BMP2: variants seen among roughly 807,000 people sequenced by gnomAD.
BMP2 encodes bone morphogenetic protein 2A.
A neutral mutation model predicts 28.8 loss-of-function variants in BMP2; 2 were observed. The observed-to-expected ratio is 0.07, with a 90% CI of 0.03 to 0.22. The LOEUF is 0.22. BMP2 is among the 10% of genes least tolerant of loss of function. The pLI, the probability that BMP2 is intolerant of heterozygous loss-of-function variation, is 1.00. For synonymous variants in BMP2, 218 were observed against 204.3 expected (o/e 1.07, Z -0.57); for missense variants, 437 against 517.7 (o/e 0.84, Z 1.51).
At position 6,768,525 on chromosome 20, in the gene BMP2, C is replaced by T; in HGVS notation, c.-358C>T. ...TCCCTTCCCTGCCCCGCACTCCTCC[C>T]CCTGCTCGCTGTTGTTGTGTGTCAG... On this transcript the variant is annotated 5_prime_UTR_variant, in exon 1 of 3. Transcript: ENST00000378827. The T allele has an allele frequency of 2.5e-6, 1 of 392,834 alleles. No individual in the cohort carries two copies. Among genetic ancestry groups the T allele is most frequent in the Non-Finnish European group, 4.5e-6 (1 of 222,754 alleles). The allele number at this position is 392,834 out of a possible 1,614,324, so 24.3% of individuals were successfully genotyped here.
At position 6,779,259 on chromosome 20, in the gene BMP2, A is replaced by C. The variant is rs977810897; in HGVS notation, c.*170A>C. On this transcript the variant is annotated 3_prime_UTR_variant, in exon 3 of 3. Transcript: ENST00000378827. ...AAACAGCTATTTTGAAAATATATTT[A>C]TATCTACGAAAAGAAGTTGGGAAAA... 4.5e-6 allele frequency: 1 copy of C among 224,288 alleles called. No homozygotes were observed. Among genetic ancestry groups the C allele is most frequent in the Non-Finnish European group, 8.3e-6 (1 of 120,318 alleles). The allele number at this position is 224,288 out of a possible 1,614,324, so 13.9% of individuals were successfully genotyped here.
chr20:6,778,793 C>A lies in BMP2; in HGVS notation c.895C>A (p.His299Asn), dbSNP rs1986560009. The A allele has an allele frequency of 1.9e-6, 3 of 1,614,092 alleles. No individual in the cohort carries two copies. Among genetic ancestry groups the A allele is most frequent in the African/African-American group, 2.7e-5 (2 of 74,928 alleles). ...ACGCCTTAAGTCCAGCTGTAAGAGA[C>A]ACCCTTTGTACGTGGACTTCAGTGA... ...RKRLKSSCKR[H>N]PLYVDFSDVG... The change falls in exon 3 of 3, where the codon CAC becomes AAC. Residue 299 changes from histidine to asparagine, a missense_variant. By Grantham distance (68) the His-to-Asn change is moderately conservative. Around this residue, in one of 2 missense-constraint regions of BMP2, gnomAD observed 363 missense variants for 392.8 expected, o/e 0.92. Transcript: ENST00000378827. The surrounding 1 kb of genome is among the most constrained non-coding windows in gnomAD (Gnocchi z 5.0).
intron 2 of BMP2, among the ~76,000 whole-genome samples, chr20:6,771,916 T>C (rs1986408234): frequency 6.6e-6 from 1 of 152,212 alleles, no homozygotes; most frequent in African/African-American, 2.4e-5. Flanking sequence ...GAAATGATTA[T>C]AGATCCAGCT....
intron 2 of BMP2, among the ~76,000 whole-genome samples, chr20:6,771,529 T>A (rs71338572): frequency 0.061 from 9,235 of 152,274 alleles, 353 homozygotes; most frequent in Admixed American, 0.12. Flanking sequence ...GCTTAGGTGG[T>A]AAATTTCAAG....
At position 6,768,461 on chromosome 20, in the gene BMP2, C is replaced by G. The variant is rs1184763709; in HGVS notation, c.-422C>G. On this transcript the variant is annotated 5_prime_UTR_variant, in exon 1 of 3. Coordinates refer to ENST00000378827, the MANE Select transcript of BMP2 (RefSeq NM_001200.4). Reference sequence around the variant, plus strand: ...GCCACGCGTCCCTCGGGCGCTGGTTCCTAAGGAGGACGACAGCACCAGCTT... The same window carrying G: ...GCCACGCGTCCCTCGGGCGCTGGTTGCTAAGGAGGACGACAGCACCAGCTT... 2 of 392,626 alleles carry G rather than the reference C, an allele frequency of 5.1e-6. No individual in the cohort carries two copies. The highest frequency in any genetic ancestry group is 4.1e-5 in the African/African-American group (2 of 48,294). 24.3% of individuals were successfully genotyped at this position (392,626 alleles called of 1,614,324 possible). A position where few individuals can be genotyped will look rare whatever the true frequency, so the allele number is the denominator to read the frequency against.
chr20:6,779,229 A>G lies in BMP2; in HGVS notation c.*140A>G. On this transcript the variant is annotated 3_prime_UTR_variant, in exon 3 of 3. Coordinates refer to ENST00000378827, the MANE Select transcript of BMP2 (RefSeq NM_001200.4). Reference sequence around the variant, plus strand: ...GACTTTATTTATGGAATGGAATGGAAAAAAAAACAGCTATTTTGAAAATAT... The same window carrying G: ...GACTTTATTTATGGAATGGAATGGAGAAAAAAACAGCTATTTTGAAAATAT... The G allele has an allele frequency of 3.4e-6, 1 of 292,184 alleles. No homozygotes were observed. Among genetic ancestry groups the G allele is most frequent in the East Asian group, 7.1e-5 (1 of 14,044 alleles). 18.1% of individuals were successfully genotyped at this position (292,184 alleles called of 1,614,324 possible). A position where few individuals can be genotyped will look rare whatever the true frequency, so the allele number is the denominator to read the frequency against.
In BMP2 at chr20:6,768,550, G is replaced by C. The variant is rs1462513815; in HGVS notation, c.-333G>C. Reference sequence around the variant, plus strand: ...CCCTGCTCGCTGTTGTTGTGTGTCAGCACTTGGCTGGGGACTTCTTGAACT... The same window carrying C: ...CCCTGCTCGCTGTTGTTGTGTGTCACCACTTGGCTGGGGACTTCTTGAACT... On this transcript the variant is annotated 5_prime_UTR_variant, in exon 1 of 3. Transcript: ENST00000378827. The C allele has an allele frequency of 1.8e-5, 7 of 393,840 alleles. No individual in the cohort carries two copies. Among genetic ancestry groups the C allele is most frequent in the African/African-American group, 4.1e-5 (2 of 48,484 alleles). The allele number at this position is 393,840 out of a possible 1,614,324, so 24.4% of individuals were successfully genotyped here. A position where few individuals can be genotyped will look rare whatever the true frequency, so the allele number is the denominator to read the frequency against.
At position 6,768,552 on chromosome 20, in the gene BMP2, A is replaced by C. The variant is rs1165597542; in HGVS notation, c.-331A>C. ...CTGCTCGCTGTTGTTGTGTGTCAGC[A>C]CTTGGCTGGGGACTTCTTGAACTTG... On this transcript the variant is annotated 5_prime_UTR_variant, in exon 1 of 3. Transcript: ENST00000378827. The C allele has an allele frequency of 1.8e-5, 7 of 393,708 alleles. No homozygotes were observed. The highest frequency in any genetic ancestry group is 3.1e-5 in the Non-Finnish European group (7 of 223,372). 24.4% of individuals were successfully genotyped at this position (393,708 alleles called of 1,614,324 possible).
rs1247431345 is a variant in BMP2 at position 6,778,028 on chromosome 20, C to A, written c.347-217C>A. Among the ~76,000 whole-genome samples the A allele has an allele frequency of 6.6e-6, 1 of 151,946 alleles. No individual in the cohort carries two copies. Among genetic ancestry groups the A allele is most frequent in the Non-Finnish European group, 1.5e-5 (1 of 67,994 alleles). ...TTATGAAAGGTTGTTTCCTGGTATG[C>A]AATGCATGATGACATGAACTTACAG... is the stretch of plus-strand genomic sequence containing the variant. On this transcript the variant is annotated intron_variant, in intron 2 of 2. Transcript: ENST00000378827. The surrounding 1 kb of genome is among the most constrained non-coding windows in gnomAD (Gnocchi z 5.0).
chr20:6,770,488 G>A lies in BMP2; in HGVS notation c.346+16G>A. On this transcript the variant is annotated intron_variant, in intron 2 of 2. Coordinates refer to ENST00000378827, the MANE Select transcript of BMP2 (RefSeq NM_001200.4). ...CACCATGAAGGTGAGGCATGGAGCA[G>A]GGCGTGGGGGCGGGGAGTCACCCTG... is the stretch of plus-strand genomic sequence containing the variant. 1.3e-6 allele frequency: 2 copies of A among 1,562,286 alleles called. No individual in the cohort carries two copies. Among genetic ancestry groups the A allele is most frequent in the Non-Finnish European group, 1.7e-6 (2 of 1,149,320 alleles).
chr20:6,770,493 T>TG, intron 2 of BMP2, 21 bp downstream of exon 2: 1 of 1,559,642 alleles, frequency 6.4e-7, no homozygotes, highest in South Asian at 1.2e-5. Flanking sequence ...GAGCAGGGCG[T>TG]GGGGGCGGGG....
chr20:6,778,535 G>T lies in BMP2; in HGVS notation c.637G>T (p.Val213Leu). The change falls in exon 3 of 3, where the codon GTG (valine) becomes TTG (leucine). Residue 213 changes from valine (V) to leucine (L), a missense_variant. Val to Leu is a conservative substitution (Grantham distance 32). This residue lies in a region of BMP2 where 363 missense variants were observed against 392.8 expected (regional missense o/e 0.92). Coordinates refer to ENST00000378827, the MANE Select transcript of BMP2 (RefSeq NM_001200.4). This position sits in a 1 kb window ranked among gnomAD's most constrained non-coding sequence, Gnocchi z 5.0. ...GGAAAGTTTTGATGTCACCCCCGCT[G>T]TGATGCGGTGGACTGCACAGGGACA... Reference protein sequence around the residue: ...RWESFDVTPAVMRWTAQGHAN... With the variant: ...RWESFDVTPALMRWTAQGHAN... The T allele has an allele frequency of 6.2e-7, 1 of 1,614,198 alleles. No homozygotes were observed. Among genetic ancestry groups the T allele is most frequent in the Non-Finnish European group, 8.5e-7 (1 of 1,180,032 alleles).
rs1344919320 is a variant in BMP2, at chr20:6,780,132, G to C, written c.*1043G>C. On this transcript the variant is annotated 3_prime_UTR_variant, in exon 3 of 3. Coordinates refer to ENST00000378827, the MANE Select transcript of BMP2 (RefSeq NM_001200.4). ...CAAAATTATGCACATCGTGTTTTCT[G>C]CCCACCCTCTGTTCTCTGACCTATC... 6.6e-6 allele frequency: 1 copy of C among 152,508 alleles called. No homozygotes were observed. Among genetic ancestry groups the C allele is most frequent in the Non-Finnish European group, 1.5e-5 (1 of 68,026 alleles). 9.4% of individuals were successfully genotyped at this position (152,508 alleles called of 1,614,324 possible). A position where few individuals can be genotyped will look rare whatever the true frequency, so the allele number is the denominator to read the frequency against.
At position 6,770,142 on chromosome 20, in the gene BMP2, C is replaced by T. The variant is rs961599421; in HGVS notation, c.16C>T (p.Arg6Cys). The change falls in exon 2 of 3, where the codon CGC becomes TGC. Residue 6 changes from arginine (R) to cysteine (C), a missense_variant. Physicochemically the swap from Arg to Cys is radical, Grantham distance 180. Coordinates refer to ENST00000378827, the MANE Select transcript of BMP2 (RefSeq NM_001200.4). MVAGT[R>C]CLLALLLPQV... ...CAGGTCGACCATGGTGGCCGGGACC[C>T]GCTGTCTTCTAGCGTTGCTGCTTCC... 1.2e-5 allele frequency: 19 copies of T among 1,552,962 alleles called. No individual in the cohort carries two copies. The highest frequency in any genetic ancestry group is 9.5e-5 in the African/African-American group (7 of 73,510).
rs1302622350 is a variant in BMP2 at position 6,767,892 on chromosome 20, G to T, written c.-991G>T. Reference sequence around the variant, plus strand: ...GGGGACCGCGAGGCACCCGCGCGCCGCAGACCCCGCGCGGGCTGGAGCACC... The same window carrying T: ...GGGGACCGCGAGGCACCCGCGCGCCTCAGACCCCGCGCGGGCTGGAGCACC... On this transcript the variant is annotated 5_prime_UTR_variant, in exon 1 of 3. Transcript: ENST00000378827. 1.4e-5 allele frequency: 5 copies of T among 369,124 alleles called. No individual in the cohort carries two copies. Among genetic ancestry groups the T allele is most frequent in the African/African-American group, 2.1e-5 (1 of 47,408 alleles). The allele number at this position is 369,124 out of a possible 1,614,324, so 22.9% of individuals were successfully genotyped here. A position where few individuals can be genotyped will look rare whatever the true frequency, so the allele number is the denominator to read the frequency against.
In BMP2 at chr20:6,767,782, G is replaced by A. The variant is rs1236232681; in HGVS notation, c.-1101G>A. The A allele has an allele frequency of 7.2e-6, 2 of 278,080 alleles. No homozygotes were observed. The highest frequency in any genetic ancestry group is 1.5e-4 in the South Asian group (1 of 6,654). The allele number at this position is 278,080 out of a possible 1,614,324, so 17.2% of individuals were successfully genotyped here. On this transcript the variant is annotated 5_prime_UTR_variant, in exon 1 of 3. Coordinates refer to ENST00000378827, the MANE Select transcript of BMP2 (RefSeq NM_001200.4). ...GCTCCGCTTCCCACACCCCGCCGGG[G>A]ACTGGCAGCCGCCGCCGCACATCTG...
rs1213207417 is a variant in BMP2, at chr20:6,769,891, G to C, written c.-7-229G>C. On this transcript the variant is annotated intron_variant, in intron 1 of 2. Transcript: ENST00000378827. ...GCAAATCCCAAATCTGATGTCAGAC[G>C]AGCTAAGCGTTGGATGGGAGCGATA... Among the ~76,000 whole-genome samples, 10 of 152,124 alleles carry C rather than the reference G, an allele frequency of 6.6e-5. No homozygotes were observed. The East Asian group carries it at 1.7e-3, about 26-fold the overall frequency.
intron 1 of BMP2, among the ~76,000 whole-genome samples, chr20:6,769,891 G>A (rs1213207417): frequency 1.3e-5 from 2 of 152,124 alleles, no homozygotes; most frequent in Admixed American, 6.5e-5. Flanking sequence ...GATGTCAGAC[G>A]AGCTAAGCGT....
Position 6,777,878 on chromosome 20 carries a change from G to A in BMP2, c.347-367G>A, listed in dbSNP as rs78202618. Among the ~76,000 whole-genome samples the A allele has an allele frequency of 5.1e-3, 747 of 147,906 alleles. 5 individuals are homozygous for A. The highest frequency in any genetic ancestry group is 0.014 in the African/African-American group (588 of 41,180). On this transcript the variant is annotated intron_variant, in intron 2 of 2. Coordinates refer to ENST00000378827, the MANE Select transcript of BMP2 (RefSeq NM_001200.4). The stretch of plus-strand genomic sequence containing the variant: ...ACTCATTAGACCTCTACTAACTATA[G>A]TGCTGACTTTTTTTTTTTTTTACCC...
Sources: gnomAD v4.1 joint callset for allele counts (sites outside exome capture counted in the v4.1 genomes callset) on GRCh38, gnomAD v4.1.1 for gene constraint, gnomAD v4.1.1 regional missense constraint, Gnocchi (gnomAD v3.1) non-coding constraint, MANE v1.5 for transcripts, NCBI Gene and HGNC (gene_info 2026-07-23, HGNC 2026-07-21) for gene names.